Variants in SIN3A observed in about 807,000 individuals in gnomAD.
SIN3A encodes SIN3 transcription regulator family member A.
Under a neutral mutation model 146.1 loss-of-function variants are expected in SIN3A, and 14 were observed. That is an observed-to-expected ratio of 0.10 (90% CI 0.06 to 0.15). The LOEUF is 0.15. Ranked by LOEUF, SIN3A falls within the 10% of genes least tolerant of loss-of-function variation. The pLI, the probability that SIN3A is intolerant of heterozygous loss-of-function variation, is 1.00. For synonymous variants in SIN3A, 572 were observed against 572.0 expected, an observed-to-expected ratio of 1.00 and a Z score of 0.00; for missense variants, 1,028 against 1,576.0, an observed-to-expected ratio of 0.65 and a Z score of 5.89.
Position 75,380,655 on chromosome 15 carries a change from T to A in SIN3A, c.3357A>T (p.Leu1119=), listed in dbSNP as rs770158373. The A allele has an allele frequency of 6.2e-6, 10 of 1,613,820 alleles. No individual in the cohort carries two copies. In the Admixed American group the frequency reaches 1.7e-4, roughly 27 times the overall value. ...DTTSPELREH[L]AQKPVFLPRN... Reference sequence around the variant, plus strand: ...TGGGGAGAAATACTGGTTTCTGTGCTAGATGTTCACGAAGCTCAGGCGAGG... The same window carrying A: ...TGGGGAGAAATACTGGTTTCTGTGCAAGATGTTCACGAAGCTCAGGCGAGG... Residue 1119 remains leucine, a synonymous_variant, in exon 19 of 21, where the codon CTA becomes CTT. Coordinates refer to ENST00000394947, the MANE Select transcript of SIN3A (RefSeq NM_001145358.2).
At chr15:75,400,674 TC>T in intron 11 of SIN3A, 55 bp downstream of exon 11, 1 of 1,273,124 alleles carries the variant, frequency 7.9e-7, no homozygotes, top group South Asian at 1.3e-5. Flanking sequence ...GTACCACCAC[TC>T]CCTTCTGGAA....
intron 9 of SIN3A, among the ~76,000 whole-genome samples, chr15:75,405,975 A>G (rs1278271517): frequency 6.6e-6 from 1 of 152,176 alleles, no homozygotes; most frequent in African/African-American, 2.4e-5. Context: ...CTAAGGACTC[A>G]ACACTCTTGC....
intron 14 of SIN3A, among the ~76,000 whole-genome samples, chr15:75,393,623 C>T (rs144924141): frequency 6.6e-6 from 1 of 152,178 alleles, no homozygotes; most frequent in African/African-American, 2.4e-5. Flanking sequence ...TATCTGTCCA[C>T]CTCAGCCTCC....
At chr15:75,389,590 G>A (rs368336349) in intron 16 of SIN3A, 62 bp downstream of exon 16, 89 of 1,538,918 alleles carry the variant, frequency 5.8e-5, no homozygotes, top group African/African-American at 2.3e-4. Flanking sequence ...TTTTCCTTGC[G>A]TGGCCCATCT....
In SIN3A at chr15:75,372,230, A is replaced by ATT. The variant is rs757488698; in HGVS notation, c.3592-23_3592-22dup. The ATT allele has an allele frequency of 2.2e-5, 33 of 1,517,026 alleles. No homozygotes were observed. The Admixed American group carries it at 5.8e-4, about 27-fold the overall frequency. The allele number at this position is 1,517,026 out of a possible 1,614,324, so 94.0% of individuals were successfully genotyped here. On this transcript the variant is annotated intron_variant, in intron 20 of 20. Coordinates refer to ENST00000394947, the MANE Select transcript of SIN3A (RefSeq NM_001145358.2). ...TGGGACTGCAAAACAGAAAAAAAAA[A>ATT]TTTTATTAAATGAAGCAGAACCAAA...
chr15:75,447,076 C>T (rs935109577), intron 1 of SIN3A, among the ~76,000 whole-genome samples: 1 of 152,172 alleles, frequency 6.6e-6, no homozygotes, highest in Non-Finnish European at 1.5e-5. Context: ...TCATTACAGA[C>T]ATATCTAAAT....
chr15:75,410,188 C>T lies in SIN3A; in HGVS notation c.1107G>A (p.Gln369=). The T allele has an allele frequency of 1.2e-6, 2 of 1,614,066 alleles. No individual in the cohort carries two copies. The highest frequency in any genetic ancestry group is 1.7e-6 in the Non-Finnish European group (2 of 1,180,012). ...YAQVARLFKN[Q]EDLLSEFGQF... ...GTCCAAACTCTGACAACAAATCTTC[C>T]TGGTTTTTAAAGAGACGAGCAACCT... The change falls in exon 7 of 21, where the codon CAG becomes CAA. Residue 369 remains glutamine (Q), a synonymous_variant. Coordinates refer to ENST00000394947, the MANE Select transcript of SIN3A (RefSeq NM_001145358.2).
chr15:75,416,586 A>C (rs962328378), intron 3 of SIN3A, among the ~76,000 whole-genome samples: 1 of 152,194 alleles, frequency 6.6e-6, no homozygotes, highest in African/African-American at 2.4e-5. Context: ...TCAGCCTCCC[A>C]AAGTCCTGGG....
chr15:75,429,681 T>C (rs2073982364), intron 2 of SIN3A, among the ~76,000 whole-genome samples: 1 of 152,170 alleles, frequency 6.6e-6, no homozygotes, highest in East Asian at 1.9e-4. Flanking sequence ...AGCAGCACCT[T>C]TGTAAAAGCA....
At chr15:75,423,742 C>T (rs2073879153) in intron 2 of SIN3A, among the ~76,000 whole-genome samples, 1 of 152,058 alleles carries the variant, frequency 6.6e-6, no homozygotes. Flanking sequence ...CACCTGTAAC[C>T]AGCACTTTGG....
At chr15:75,373,452 A>T (rs1053145341) in intron 20 of SIN3A, among the ~76,000 whole-genome samples, 1 of 152,164 alleles carries the variant, frequency 6.6e-6, no homozygotes, top group South Asian at 2.1e-4. Flanking sequence ...CAACCCTGAG[A>T]CAGCAAAAAC....
intron 1 of SIN3A, among the ~76,000 whole-genome samples, chr15:75,448,589 G>A (rs905122765): frequency 4.6e-5 from 7 of 152,094 alleles, no homozygotes; most frequent in African/African-American, 1.7e-4. Flanking sequence ...CGAGGAAGGT[G>A]TATTTTGAAA....
intron 1 of SIN3A, among the ~76,000 whole-genome samples, 196 bp from the exon 2 acceptor site, chr15:75,430,604 C>A (rs2073998078): frequency 6.6e-6 from 1 of 152,082 alleles, no homozygotes; most frequent in Non-Finnish European, 1.5e-5. Flanking sequence ...CTGAAAAAGA[C>A]AAATATTTAA....
intron 19 of SIN3A, among the ~76,000 whole-genome samples, chr15:75,377,012 T>A (rs2072875979): frequency 6.6e-6 from 1 of 152,148 alleles, no homozygotes; most frequent in Admixed American, 6.5e-5. Context: ...ATTCTCATAA[T>A]AATACTAAAA....
intron 1 of SIN3A, chr15:75,447,704 T>G (rs1567435133): frequency 6.6e-6 from 1 of 152,164 alleles, no homozygotes; most frequent in South Asian, 2.1e-4. Flanking sequence ...GATGTGGACC[T>G]GCATATCCTC....
At chr15:75,406,910 A>T in intron 9 of SIN3A, 145 bp downstream of exon 9, 1 of 552,348 alleles carries the variant, frequency 1.8e-6, no homozygotes, top group Non-Finnish European at 3.2e-6. Flanking sequence ...TAGCAGACTC[A>T]AAGGACTCAC....
rs116089654 is a variant in SIN3A at position 75,390,329 on chromosome 15, C to A, written c.2852-508G>T. On this transcript the variant is annotated intron_variant, in intron 15 of 20. Transcript: ENST00000394947. ...ACAAAAATAGGAGTGCAAATTAAAT[C>A]CTTTATGAATAATGAAGTAATCTGC... 4.3e-3 allele frequency among the ~76,000 whole-genome samples: 649 copies of A among 152,312 alleles called. 5 individuals are homozygous for A. The highest frequency in any genetic ancestry group is 0.015 in the African/African-American group (629 of 41,568).
At position 75,430,499 on chromosome 15, in the gene SIN3A, G is replaced by C. The variant is rs1595920240; in HGVS notation, c.-33-91C>G. On this transcript the variant is annotated intron_variant, in intron 1 of 20. Transcript: ENST00000394947. Reference sequence around the variant, plus strand: ...GACCAGTCACCCAAGTTTAGTAAAAGCTTGACTCCCAGAACTGATCATCTA... The same window carrying C: ...GACCAGTCACCCAAGTTTAGTAAAACCTTGACTCCCAGAACTGATCATCTA... 4 of 959,944 alleles carry C rather than the reference G, an allele frequency of 4.2e-6. No homozygotes were observed. The East Asian group carries it at 1.1e-4, about 26-fold the overall frequency. 59.5% of individuals were successfully genotyped at this position (959,944 alleles called of 1,614,324 possible). A position where few individuals can be genotyped will look rare whatever the true frequency, so the allele number is the denominator to read the frequency against.
intron 1 of SIN3A, among the ~76,000 whole-genome samples, chr15:75,442,083 G>A (rs1364281742): frequency 1.8e-5 from 2 of 110,844 alleles, no homozygotes; most frequent in East Asian, 6.3e-4. Flanking sequence ...CCATGCCACT[G>A]CACTCCAGCC....
Sources: allele counts gnomAD v4.1 joint callset (sites outside exome capture counted in the v4.1 genomes callset), GRCh38; gene constraint gnomAD v4.1.1; transcripts MANE v1.5; gene names NCBI Gene and HGNC (gene_info 2026-07-23, HGNC 2026-07-21).